Variants in GNAL observed in about 807,000 individuals in gnomAD.
GNAL encodes G protein subunit alpha L, also known as guanine nucleotide-binding protein G(olf) subunit alpha.
In GNAL, 18 loss-of-function variants were observed where a neutral mutation model predicts 55.1. That is an observed-to-expected ratio of 0.33 (90% CI 0.23 to 0.48). GNAL has a LOEUF of 0.48. GNAL is among the 20% of genes least tolerant of loss of function. The pLI is 0.99. For synonymous variants in GNAL, 253 were observed against 237.0 expected, an observed-to-expected ratio of 1.07 and a Z score of -0.62; for missense variants, 412 against 614.1, an observed-to-expected ratio of 0.67 and a Z score of 3.48.
Position 11,689,395 on chromosome 18 carries a change from C to T in GNAL, c.-169C>T, listed in dbSNP as rs2031161057. ...GCTGTGGCCCTCGGCCCCGGCCTGC[C>T]GCACCCCCTTCCCGCAGCTGGCGGC... On this transcript the variant is annotated 5_prime_UTR_variant, in exon 1 of 12. Transcript: ENST00000334049. 1 of 358,524 alleles carries T rather than the reference C, an allele frequency of 2.8e-6. No homozygotes were observed. Among genetic ancestry groups the T allele is most frequent in the Admixed American group, 4.7e-5 (1 of 21,260 alleles). The allele number at this position is 358,524 out of a possible 1,614,324, so 22.2% of individuals were successfully genotyped here. A position where few individuals can be genotyped will look rare whatever the true frequency, so the allele number is the denominator to read the frequency against.
At chr18:11,773,952 A>G (rs1431614693) in intron 4 of GNAL, among the ~76,000 whole-genome samples, 1 of 152,162 alleles carries the variant, frequency 6.6e-6, no homozygotes, top group African/African-American at 2.4e-5. Context: ...GGTTGAGTTA[A>G]TTAGTATCTC....
intron 2 of GNAL, 80 bp from the exon 3 acceptor site, chr18:11,753,548 G>C: frequency 1.1e-6 from 1 of 926,208 alleles, no homozygotes; most frequent in Non-Finnish European, 1.8e-6. Flanking sequence ...TGCTGTAGCT[G>C]GAAATTTAAA....
chr18:11,767,842 C>G (rs953199160), intron 4 of GNAL, among the ~76,000 whole-genome samples: 12 of 152,168 alleles, frequency 7.9e-5, no homozygotes, highest in Admixed American at 7.2e-4. Context: ...TCTTCCTCTA[C>G]CTGAAACACT....
rs1464493770 is a variant in GNAL at position 11,751,895 on chromosome 18, G to C, written c.377-958G>C. The stretch of plus-strand genomic sequence containing the variant: ...CGTCCGACGGCTGAGGAATAGCAGG[G>C]CGCGAGCCGGCCCGGCAGGTGCCCA... On this transcript the variant is annotated intron_variant, in intron 1 of 11. Transcript: ENST00000334049. The surrounding 1 kb of genome is among the most constrained non-coding windows in gnomAD (Gnocchi z 4.5). Among the ~76,000 whole-genome samples the C allele has an allele frequency of 6.6e-6, 1 of 152,182 alleles. No homozygotes were observed. Among genetic ancestry groups the C allele is most frequent in the Non-Finnish European group, 1.5e-5 (1 of 68,012 alleles).
At chr18:11,788,717 G>A (rs2034129457) in intron 4 of GNAL, among the ~76,000 whole-genome samples, 2 of 150,820 alleles carry the variant, frequency 1.3e-5, no homozygotes, top group Non-Finnish European at 2.9e-5. Flanking sequence ...GACCAACATG[G>A]TGAAACCCCG....
chr18:11,881,178 CCTGA>C lies in GNAL; in HGVS notation c.*47_*50del, dbSNP rs766991372. 2.8e-5 allele frequency: 43 copies of C among 1,552,956 alleles called. No individual in the cohort carries two copies. Among genetic ancestry groups the C allele is most frequent in the African/African-American group, 5.4e-5 (4 of 73,746 alleles). On this transcript the variant is annotated 3_prime_UTR_variant, in exon 12 of 12. Coordinates refer to ENST00000334049, the MANE Select transcript of GNAL (RefSeq NM_182978.4). The surrounding 1 kb of genome is among the most constrained non-coding windows in gnomAD (Gnocchi z 4.8). ...TGCGACGGAGCGGCGCCCCGGACTG[CCTGA>C]CTGCCAGCCCCATGCCATGGTAGGA...
At chr18:11,695,055 G>A (rs1598398016) in intron 1 of GNAL, among the ~76,000 whole-genome samples, 1 of 152,062 alleles carries the variant, frequency 6.6e-6, no homozygotes, top group East Asian at 1.9e-4. Flanking sequence ...TCATGTGGGG[G>A]GTTAGGGCTT....
chr18:11,775,904 G>A (rs2033770034), intron 4 of GNAL, among the ~76,000 whole-genome samples: 1 of 152,202 alleles, frequency 6.6e-6, no homozygotes, highest in South Asian at 2.1e-4. Flanking sequence ...ATGTCCCTAA[G>A]TATCCAGACA....
intron 4 of GNAL, among the ~76,000 whole-genome samples, chr18:11,761,782 C>G (rs1413141448): frequency 5.3e-5 from 8 of 152,214 alleles, no homozygotes; most frequent in Non-Finnish European, 1.5e-5. Flanking sequence ...GAAATGCACC[C>G]TGACTGCACC....
rs1242485238 is a variant in GNAL at position 11,752,325 on chromosome 18, T to A, written c.377-528T>A. On this transcript the variant is annotated intron_variant, in intron 1 of 11. Coordinates refer to ENST00000334049, the MANE Select transcript of GNAL (RefSeq NM_182978.4). The surrounding 1 kb of genome is among the most constrained non-coding windows in gnomAD (Gnocchi z 4.5). Reference sequence around the variant, plus strand: ...CACCGAAGAGACCAGACCATCTCTTTCAGCAGCAGGAAAGAGAGGAGCCGT... The same window carrying A: ...CACCGAAGAGACCAGACCATCTCTTACAGCAGCAGGAAAGAGAGGAGCCGT... 1 of 1,477,730 alleles carries A rather than the reference T, an allele frequency of 6.8e-7. No individual in the cohort carries two copies. The highest frequency in any genetic ancestry group is 1.5e-5 in the African/African-American group (1 of 68,302). 91.5% of individuals were successfully genotyped at this position (1,477,730 alleles called of 1,614,324 possible). A position where few individuals can be genotyped will look rare whatever the true frequency, so the allele number is the denominator to read the frequency against.
At chr18:11,758,337 G>T (rs1347854089) in intron 4 of GNAL, among the ~76,000 whole-genome samples, 9 of 152,154 alleles carry the variant, frequency 5.9e-5, no homozygotes, top group Non-Finnish European at 1.5e-5. Context: ...GTCTAGTTTT[G>T]CAATTATCCA....
rs2036779996 is a variant in GNAL at position 11,883,606 on chromosome 18, A to G, written c.*2471A>G. 1 of 153,522 alleles carries G rather than the reference A, an allele frequency of 6.5e-6. No homozygotes were observed. Among genetic ancestry groups the G allele is most frequent in the Non-Finnish European group, 1.5e-5 (1 of 68,042 alleles). 9.5% of individuals were successfully genotyped at this position (153,522 alleles called of 1,614,324 possible). A position where few individuals can be genotyped will look rare whatever the true frequency, so the allele number is the denominator to read the frequency against. ...AACGTGGTCTCCTATAGAGAAAATT[A>G]CACTTATCTAAAAATCTGATTCCAT... On this transcript the variant is annotated 3_prime_UTR_variant, in exon 12 of 12. Coordinates refer to ENST00000334049, the MANE Select transcript of GNAL (RefSeq NM_182978.4).
Position 11,752,727 on chromosome 18 carries a change from C to G in GNAL, c.377-126C>G. Reference sequence around the variant, plus strand: ...AGACGGCGGCCGGGGCGAGCTCCTCCAGCCAGGAACCCGCGTGTAGGAAAT... The same window carrying G: ...AGACGGCGGCCGGGGCGAGCTCCTCGAGCCAGGAACCCGCGTGTAGGAAAT... On this transcript the variant is annotated intron_variant, in intron 1 of 11. Coordinates refer to ENST00000334049, the MANE Select transcript of GNAL (RefSeq NM_182978.4). This position sits in a 1 kb window ranked among gnomAD's most constrained non-coding sequence, Gnocchi z 4.5. 8.6e-7 allele frequency: 1 copy of G among 1,162,560 alleles called. No individual in the cohort carries two copies. The highest frequency in any genetic ancestry group is 2.9e-4 in the Middle Eastern group (1 of 3,460). 72.0% of individuals were successfully genotyped at this position (1,162,560 alleles called of 1,614,324 possible).
intron 1 of GNAL, among the ~76,000 whole-genome samples, chr18:11,749,183 C>T (rs1217951172): frequency 2.0e-5 from 3 of 150,430 alleles, no homozygotes; most frequent in East Asian, 2.0e-4. Context: ...CTAGTCATAG[C>T]GCATGCTGGG....
chr18:11,827,401 T>A (rs2035273999), intron 5 of GNAL, among the ~76,000 whole-genome samples: 1 of 151,254 alleles, frequency 6.6e-6, no homozygotes, highest in African/African-American at 2.4e-5. Context: ...TCACCTGAGG[T>A]CAGGAGTTCA....
chr18:11,744,300 G>A (rs1489822383), intron 1 of GNAL, among the ~76,000 whole-genome samples: 2 of 152,144 alleles, frequency 1.3e-5, no homozygotes, highest in Non-Finnish European at 2.9e-5. Context: ...AAGAAAAATA[G>A]AAGATAAATT....
intron 4 of GNAL, among the ~76,000 whole-genome samples, chr18:11,801,833 G>T (rs1311524346): frequency 6.6e-6 from 1 of 152,128 alleles, no homozygotes; most frequent in Non-Finnish European, 1.5e-5. Context: ...TGGTCTGAAG[G>T]CTGCAGGTGG....
At chr18:11,743,571 A>G (rs760760097) in intron 1 of GNAL, among the ~76,000 whole-genome samples, 2 of 152,168 alleles carry the variant, frequency 1.3e-5, no homozygotes, top group African/African-American at 2.4e-5. Context: ...TGCTTGAAAA[A>G]TTTTTACATT....
At chr18:11,854,083 C>T (rs1011734866) in intron 5 of GNAL, 8 of 167,024 alleles carry the variant, frequency 4.8e-5, no homozygotes. Context: ...CCTCAGCCTC[C>T]CAAAGTGCTG....
Sources: gnomAD v4.1 joint callset for allele counts (sites outside exome capture counted in the v4.1 genomes callset) on GRCh38, gnomAD v4.1.1 for gene constraint, Gnocchi (gnomAD v3.1) non-coding constraint, MANE v1.5 for transcripts, NCBI Gene and HGNC (gene_info 2026-07-23, HGNC 2026-07-21) for gene names.